Variants in COL14A1 observed in about 807,000 individuals in gnomAD.
The protein encoded by COL14A1 is collagen type XIV alpha 1 chain.
In COL14A1, 136 loss-of-function variants were observed where a neutral mutation model predicts 230.3. The ratio of observed to expected loss-of-function variants is 0.59; its 90% confidence interval spans 0.51 to 0.68. COL14A1 has a LOEUF of 0.68. COL14A1 is among the 30% of genes least tolerant of loss of function. COL14A1 has a pLI of 0.00. For synonymous variants in COL14A1, 792 were observed against 784.1 expected (o/e 1.01, Z -0.17); for missense variants, 1,976 against 2,215.8 (o/e 0.89, Z 2.17).
intron 23 of COL14A1, among the ~76,000 whole-genome samples, chr8:120,262,489 A>C (rs1213418370): frequency 6.6e-6 from 1 of 152,080 alleles, no homozygotes; most frequent in African/African-American, 2.4e-5. Context: ...AAACAAAAAC[A>C]AAAACAAAAA....
chr8:120,204,715 G>A (rs928284153), intron 9 of COL14A1, among the ~76,000 whole-genome samples: 5 of 152,098 alleles, frequency 3.3e-5, no homozygotes, highest in Admixed American at 2.0e-4. Flanking sequence ...ATCATATCCC[G>A]GTTGCATGTT....
At chr8:120,328,397 A>AT (rs35635525) in intron 40 of COL14A1, among the ~76,000 whole-genome samples, 60,147 of 141,370 alleles carry the variant, frequency 0.43, 12,096 homozygotes, top group South Asian at 0.46. Context: ...TTTTTTTTTA[A>AT]TTTTTTTTTT....
In COL14A1 at chr8:120,156,181, T is replaced by G. The variant is rs571089268; in HGVS notation, c.89-1949T>G. Among the ~76,000 whole-genome samples, 3 of 151,872 alleles carry G rather than the reference T, an allele frequency of 2.0e-5. No individual in the cohort carries two copies. In the South Asian group the frequency reaches 6.2e-4, roughly 32 times the overall value. ...CTCAATGAAGGGTGACTTCTTTTTT[T>G]TTTTGAGATGGAGTCTCTCTCTGTC... On this transcript the variant is annotated intron_variant, in intron 2 of 47. Coordinates refer to ENST00000297848, the MANE Select transcript of COL14A1 (RefSeq NM_021110.4).
chr8:120,145,203 A>G (rs1253329146), intron 1 of COL14A1, among the ~76,000 whole-genome samples: 2 of 152,324 alleles, frequency 1.3e-5, no homozygotes, highest in East Asian at 1.9e-4. Context: ...GAATATATTG[A>G]AAACAACCTC....
At chr8:120,369,066 C>G in intron 46 of COL14A1, among the ~76,000 whole-genome samples, 1 of 152,152 alleles carries the variant, frequency 6.6e-6, no homozygotes, top group East Asian at 1.9e-4. Context: ...CCTTTAACAT[C>G]CAAGAGGAAA....
intron 36 of COL14A1, among the ~76,000 whole-genome samples, chr8:120,302,745 T>A (rs950815201): frequency 9.9e-5 from 15 of 152,184 alleles, no homozygotes; most frequent in African/African-American, 3.6e-4. Context: ...TCCACATGAA[T>A]TTTAAAATAG....
intron 12 of COL14A1, 28 bp downstream of exon 12, chr8:120,209,929 T>C: frequency 7.0e-7 from 1 of 1,428,724 alleles, no homozygotes; most frequent in South Asian, 1.7e-5. Context: ...ATTACAGTCC[T>C]AGAATCTTTT....
intron 26 of COL14A1, among the ~76,000 whole-genome samples, chr8:120,272,667 T>A (rs186606533): frequency 9.8e-4 from 148 of 151,560 alleles, no homozygotes; most frequent in African/African-American, 3.4e-3. Context: ...TAAAACAGAC[T>A]TTAAAGCAAC....
At chr8:120,162,679 A>G in intron 4 of COL14A1, 110 bp downstream of exon 4, 5 of 960,098 alleles carry the variant, frequency 5.2e-6, no homozygotes, top group Non-Finnish European at 7.2e-6. Context: ...TCAGATTTAT[A>G]GAGATCCTAG....
At chr8:120,268,500 G>T (rs190720702) in intron 25 of COL14A1, among the ~76,000 whole-genome samples, 30 of 151,768 alleles carry the variant, frequency 2.0e-4, no homozygotes, top group Admixed American at 1.4e-3. Context: ...ATCTGGAAGG[G>T]TCTGTGGGGT....
intron 12 of COL14A1, among the ~76,000 whole-genome samples, chr8:120,210,414 C>CT (rs1817584757): frequency 6.6e-6 from 1 of 152,122 alleles, no homozygotes; most frequent in Admixed American, 6.6e-5. Flanking sequence ...CTCAGTATTG[C>CT]CAAATGGCTC....
intron 5 of COL14A1, among the ~76,000 whole-genome samples, chr8:120,186,242 G>A (rs1175331161): frequency 1.3e-5 from 2 of 152,106 alleles, no homozygotes; most frequent in African/African-American, 2.4e-5. Flanking sequence ...CTTCAGTAGT[G>A]TGGCTGGAGC....
chr8:120,368,606 CAAAA>C (rs11342918), intron 46 of COL14A1, among the ~76,000 whole-genome samples: 2 of 118,506 alleles, frequency 1.7e-5, no homozygotes, highest in Non-Finnish European at 1.9e-5. Flanking sequence ...GCATACAAGC[CAAAA>C]AAAAAAAAAA....
chr8:120,309,960 A>C, intron 36 of COL14A1, 49 bp from the exon 37 acceptor site: 1 of 1,569,012 alleles, frequency 6.4e-7, no homozygotes, highest in Non-Finnish European at 8.8e-7. Flanking sequence ...AATGAAATAC[A>C]CTGTTTTGAG....
At chr8:120,348,687 G>GT (rs1563751331) in intron 45 of COL14A1, among the ~76,000 whole-genome samples, 1 of 151,948 alleles carries the variant, frequency 6.6e-6, no homozygotes, top group Admixed American at 6.6e-5. Context: ...AAAAAATTTT[G>GT]TTTTTTTAAA....
Position 120,372,669 on chromosome 8 carries a change from C to CA in COL14A1, c.*1439dup, listed in dbSNP as rs1167270986. On this transcript the variant is annotated 3_prime_UTR_variant, in exon 48 of 48. Coordinates refer to ENST00000297848, the MANE Select transcript of COL14A1 (RefSeq NM_021110.4). ...ACACGAAGGATGGTGTCTGTCTGAT[C>CA]ACCAGGTTCTCTTTCTGTCCTTCTC... is the stretch of plus-strand genomic sequence containing the variant. Among the ~76,000 whole-genome samples, 2 of 152,026 alleles carry CA rather than the reference C, an allele frequency of 1.3e-5. No homozygotes were observed. The highest frequency in any genetic ancestry group is 4.8e-5 in the African/African-American group (2 of 41,368).
In COL14A1 at chr8:120,340,097, T is replaced by A. The variant is rs961763297; in HGVS notation, c.4786-1228T>A. The stretch of plus-strand genomic sequence containing the variant: ...TATGTGTGTGTATGTGGTGTATGTT[T>A]GTGAGTGAGTGAGTGTGTGTGTGTG... On this transcript the variant is annotated intron_variant, in intron 42 of 47. Coordinates refer to ENST00000297848, the MANE Select transcript of COL14A1 (RefSeq NM_021110.4). Among the ~76,000 whole-genome samples, 28 of 118,476 alleles carry A rather than the reference T, an allele frequency of 2.4e-4. No individual in the cohort carries two copies. In the South Asian group the frequency reaches 7.6e-3, roughly 32 times the overall value. 77.7% of individuals were successfully genotyped at this position (118,476 alleles called of 152,430 possible). A position where few individuals can be genotyped will look rare whatever the true frequency, so the allele number is the denominator to read the frequency against.
At position 120,248,917 on chromosome 8, in the gene COL14A1, CTTTTTTTT is replaced by C. The variant is rs71571673; in HGVS notation, c.2602+1201_2602+1208del. Among the ~76,000 whole-genome samples the C allele has an allele frequency of 1.4e-4, 12 of 84,226 alleles. No homozygotes were observed. In the South Asian group the frequency reaches 1.8e-3, roughly 13 times the overall value. The allele number at this position is 84,226 out of a possible 152,430, so 55.3% of individuals were successfully genotyped here. On this transcript the variant is annotated intron_variant, in intron 21 of 47. Coordinates refer to ENST00000297848, the MANE Select transcript of COL14A1 (RefSeq NM_021110.4). ...AAAAACTCCATTAGTTTCAATCTTT[CTTTTTTTT>C]TTTTTTTTTTTTTTTTTTGAGACGG... is the stretch of plus-strand genomic sequence containing the variant.
chr8:120,261,197 T>C (rs1215382719), intron 23 of COL14A1, among the ~76,000 whole-genome samples: 1 of 152,176 alleles, frequency 6.6e-6, no homozygotes, highest in Non-Finnish European at 1.5e-5. Context: ...GGTATGAAAA[T>C]ATCACACAAA....
Sources: allele counts gnomAD v4.1 joint callset (sites outside exome capture counted in the v4.1 genomes callset), GRCh38; gene constraint gnomAD v4.1.1; transcripts MANE v1.5; gene names NCBI Gene and HGNC (gene_info 2026-07-23, HGNC 2026-07-21).